The following RBM20 variants were observed in gnomAD, a reference collection of about 807,000 sequenced individuals.
RBM20 encodes the protein RNA binding motif protein 20.
In RBM20, 51 loss-of-function variants were observed where a neutral mutation model predicts 110.1. The ratio of observed to expected loss-of-function variants is 0.46; its 90% CI spans 0.37 to 0.59. RBM20 has a LOEUF of 0.59. Ranked by LOEUF, RBM20 falls within the 20% of genes least tolerant of loss-of-function variation. The pLI, the probability that RBM20 is intolerant of heterozygous loss-of-function variation, is 0.00. For missense variants in RBM20, 1,512 were observed against 1,574.9 expected, an observed-to-expected ratio of 0.96 and a Z score of 0.68; for synonymous variants, 589 against 618.2, an observed-to-expected ratio of 0.95 and a Z score of 0.70.
intron 1 of RBM20, among the ~76,000 whole-genome samples, chr10:110,680,720 G>T (rs73355034): frequency 0.034 from 5,106 of 152,220 alleles, 297 homozygotes; most frequent in African/African-American, 0.12. Flanking sequence ...AGTGGGGCTT[G>T]GCAGGACCTT....
intron 1 of RBM20, among the ~76,000 whole-genome samples, chr10:110,712,347 T>C (rs1862945518): frequency 6.6e-6 from 1 of 152,236 alleles, no homozygotes; most frequent in South Asian, 2.1e-4. Flanking sequence ...GTAGTAATCA[T>C]TGTGAACAGA....
intron 1 of RBM20, among the ~76,000 whole-genome samples, chr10:110,671,090 G>T (rs935312384): frequency 2.0e-5 from 3 of 152,216 alleles, no homozygotes; most frequent in Admixed American, 2.0e-4. Context: ...AAGCCCCCAG[G>T]CCTAGAAACG....
intron 1 of RBM20, among the ~76,000 whole-genome samples, chr10:110,656,336 T>C (rs1248917084): frequency 1.3e-5 from 2 of 151,942 alleles, no homozygotes; most frequent in African/African-American, 4.8e-5. Flanking sequence ...CCCCACAATG[T>C]TTCTTCATAC....
At chr10:110,798,444 A>G (rs1844579296) in intron 6 of RBM20, among the ~76,000 whole-genome samples, 1 of 152,180 alleles carries the variant, frequency 6.6e-6, no homozygotes, top group Admixed American at 6.5e-5. Flanking sequence ...CTCTGTTCCT[A>G]CTTCTCAGAA....
chr10:110,705,817 A>G (rs907905324), intron 1 of RBM20, among the ~76,000 whole-genome samples: 16 of 152,220 alleles, frequency 1.1e-4, no homozygotes, highest in Admixed American at 1.0e-3. Flanking sequence ...GCAGTGGCTC[A>G]TGCTTCTAAT....
intron 7 of RBM20, among the ~76,000 whole-genome samples, chr10:110,808,890 C>T (rs565892740): frequency 6.6e-6 from 1 of 152,182 alleles, no homozygotes; most frequent in East Asian, 1.9e-4. Context: ...AAATGAGATA[C>T]GTGATGCTTT....
intron 1 of RBM20, among the ~76,000 whole-genome samples, chr10:110,647,028 ATCT>A (rs1861878533): frequency 6.6e-6 from 1 of 152,230 alleles, no homozygotes; most frequent in Admixed American, 6.5e-5. Context: ...GGCGACATCA[ATCT>A]TCTTCATGTT....
At chr10:110,693,917 A>G (rs1183550209) in intron 1 of RBM20, among the ~76,000 whole-genome samples, 3 of 152,196 alleles carry the variant, frequency 2.0e-5, no homozygotes, top group East Asian at 1.9e-4. Context: ...CTGCTTTTAT[A>G]TGGTCCTTAG....
At chr10:110,725,860 G>A (rs1362132343) in intron 1 of RBM20, among the ~76,000 whole-genome samples, 1 of 152,242 alleles carries the variant, frequency 6.6e-6, no homozygotes, top group African/African-American at 2.4e-5. Context: ...TCTCTGAGAC[G>A]GGAGGCAGGA....
chr10:110,819,384 G>T (rs1190220370), intron 9 of RBM20, among the ~76,000 whole-genome samples: 1 of 152,218 alleles, frequency 6.6e-6, no homozygotes, highest in East Asian at 1.9e-4. Flanking sequence ...ACAAAAACAG[G>T]CTGTAGGTCA....
intron 5 of RBM20, among the ~76,000 whole-genome samples, chr10:110,785,623 C>A (rs1360121135): frequency 6.6e-6 from 1 of 152,112 alleles, no homozygotes; most frequent in East Asian, 1.9e-4. Context: ...GTAGTATCAC[C>A]TGCTATATCT....
At chr10:110,685,021 C>T (rs1238640293) in intron 1 of RBM20, among the ~76,000 whole-genome samples, 1 of 152,120 alleles carries the variant, frequency 6.6e-6, no homozygotes, top group African/African-American at 2.4e-5. Flanking sequence ...ACAAGGAGAG[C>T]GATCTGCCTG....
chr10:110,713,619 T>G (rs1862971567), intron 1 of RBM20, among the ~76,000 whole-genome samples: 1 of 152,228 alleles, frequency 6.6e-6, no homozygotes, highest in Non-Finnish European at 1.5e-5. Flanking sequence ...TATGCATTAC[T>G]GGCAAATTAA....
chr10:110,831,475 C>T (rs994665670), intron 13 of RBM20: 7 of 263,122 alleles, frequency 2.7e-5, no homozygotes, highest in Non-Finnish European at 5.1e-5. Flanking sequence ...CATGTCTCTA[C>T]TTTAATACCT....
chr10:110,798,440 T>C (rs971517883), intron 6 of RBM20, among the ~76,000 whole-genome samples: 1 of 152,220 alleles, frequency 6.6e-6, no homozygotes, highest in African/African-American at 2.4e-5. Context: ...TTGTCTCTGT[T>C]CCTACTTCTC....
At chr10:110,740,112 G>A (rs750835846) in intron 1 of RBM20, among the ~76,000 whole-genome samples, 2 of 152,266 alleles carry the variant, frequency 1.3e-5, no homozygotes, top group Non-Finnish European at 2.9e-5. Context: ...CAGGGCCAGG[G>A]CAGGAAGTCT....
intron 1 of RBM20, among the ~76,000 whole-genome samples, chr10:110,725,533 A>G (rs1232095240): frequency 1.3e-5 from 2 of 152,266 alleles, no homozygotes; most frequent in African/African-American, 2.4e-5. Context: ...GGTATTATTT[A>G]GATTGATGAA....
chr10:110,644,265 A>C, upstream of RBM20: 4 of 410,296 alleles, frequency 9.7e-6, no homozygotes, highest in East Asian at 3.8e-5. This position sits in a 1 kb window ranked among gnomAD's most constrained non-coding sequence, Gnocchi z 4.3. Context: ...GCCGGCCGGG[A>C]CGAGCTGGAG....
intron 1 of RBM20, among the ~76,000 whole-genome samples, chr10:110,763,678 T>C (rs1844037760): frequency 1.3e-5 from 2 of 151,960 alleles, no homozygotes; most frequent in Admixed American, 1.3e-4. Flanking sequence ...AAAGTTACAT[T>C]TCTAAGTAAT....
Sources: gnomAD v4.1 joint callset for allele counts (sites outside exome capture counted in the v4.1 genomes callset) on GRCh38, gnomAD v4.1.1 for gene constraint, Gnocchi (gnomAD v3.1) non-coding constraint, MANE v1.5 for transcripts, NCBI Gene and HGNC (gene_info 2026-07-23, HGNC 2026-07-21) for gene names.